KIF6: variants seen among roughly 807,000 people sequenced by gnomAD.
The protein encoded by KIF6 is kinesin family member 6, also known as kinesin-like protein KIF6.
A neutral mutation model predicts 112.7 loss-of-function variants in KIF6; 106 were observed. The ratio of observed to expected loss-of-function variants is 0.94; its 90% CI spans 0.80 to 1.11. The LOEUF is 1.11. Ranked by LOEUF, KIF6 falls within the 50% of genes least tolerant of loss-of-function variation. KIF6 has a pLI of 0.00. For synonymous variants in KIF6, 339 were observed against 339.9 expected (o/e 1.00, Z 0.03); for missense variants, 929 against 964.0 (o/e 0.96, Z 0.48).
chr6:39,405,825 TGGGAGA>T (rs1449118670), intron 15 of KIF6, among the ~76,000 whole-genome samples: 1 of 152,214 alleles, frequency 6.6e-6, no homozygotes, highest in Non-Finnish European at 1.5e-5. Flanking sequence ...TCATTCTTTT[TGGGAGA>T]CTTTTAAGTA....
At chr6:39,602,749 C>T (rs772134303) in intron 6 of KIF6, among the ~76,000 whole-genome samples, 13 of 152,228 alleles carry the variant, frequency 8.5e-5, no homozygotes, top group African/African-American at 1.7e-4. Flanking sequence ...ATTTGCTGTG[C>T]GTGATTCCAG....
chr6:39,470,097 A>G (rs994944555), intron 13 of KIF6, among the ~76,000 whole-genome samples: 4 of 152,214 alleles, frequency 2.6e-5, no homozygotes, highest in African/African-American at 9.6e-5. Context: ...AAGATCATAC[A>G]AAGTATGTTC....
rs140100098 is a variant in KIF6, at chr6:39,465,142, G to A, written c.1646-33981C>T. Among the ~76,000 whole-genome samples, 5 of 152,246 alleles carry A rather than the reference G, an allele frequency of 3.3e-5. No homozygotes were observed. The East Asian group carries it at 5.8e-4, about 18-fold the overall frequency. ...GACAAACTCTGCTGCTTCGGTAGGC[G>A]GGCGGGGATATCATACCCCATGTCT... On this transcript the variant is annotated intron_variant, in intron 13 of 22. Transcript: ENST00000287152.
intron 10 of KIF6, among the ~76,000 whole-genome samples, chr6:39,576,888 C>A (rs1781004412): frequency 6.6e-6 from 1 of 152,146 alleles, no homozygotes; most frequent in Admixed American, 6.5e-5. Context: ...TTGGCTGGAT[C>A]CTGACTTGTA....
Position 39,644,659 on chromosome 6 carries a change from A to C in KIF6, c.252-4902T>G, listed in dbSNP as rs373956447. On this transcript the variant is annotated intron_variant, in intron 3 of 22. Transcript: ENST00000287152. The stretch of plus-strand genomic sequence containing the variant: ...TAGTGTTAGACAGGGGCTAGAAGGA[A>C]GGGAAAATGGAGAGTGACTGCTAAT... Among the ~76,000 whole-genome samples, 16 of 152,312 alleles carry C rather than the reference A, an allele frequency of 1.1e-4. 1 individual carries two copies. The East Asian group carries it at 3.1e-3, about 29-fold the overall frequency.
chr6:39,420,486 A>C (rs1301069972), intron 14 of KIF6, among the ~76,000 whole-genome samples: 1 of 152,138 alleles, frequency 6.6e-6, no homozygotes, highest in Non-Finnish European at 1.5e-5. Context: ...GAACACCGCC[A>C]CTCCTATTCA....
At chr6:39,405,812 C>A (rs1317062241) in intron 15 of KIF6, among the ~76,000 whole-genome samples, 1 of 152,050 alleles carries the variant, frequency 6.6e-6, no homozygotes, top group Non-Finnish European at 1.5e-5. Flanking sequence ...ACTCTCTGGG[C>A]CTTCATTCTT....
Position 39,331,985 on chromosome 6 carries a change from T to C in KIF6, c.*4547A>G, listed in dbSNP as rs2113867110. On this transcript the variant is annotated 3_prime_UTR_variant, in exon 23 of 23. Coordinates refer to ENST00000287152, the MANE Select transcript of KIF6 (RefSeq NM_145027.6). ...TTTTTGAGACAGAGTTTCACTCTTG[T>C]TGCCCAAGCTGGAGTGCAATGGCAC... 6.6e-6 allele frequency: 1 copy of C among 152,206 alleles called. No individual in the cohort carries two copies. The highest frequency in any genetic ancestry group is 2.1e-4 in the South Asian group (1 of 4,810). 9.4% of individuals were successfully genotyped at this position (152,206 alleles called of 1,614,324 possible).
In KIF6 at chr6:39,343,754, T is replaced by C; in HGVS notation, c.2383A>G (p.Ile795Val). 6.2e-7 allele frequency: 1 copy of C among 1,613,166 alleles called. No homozygotes were observed. Among genetic ancestry groups the C allele is most frequent in the Non-Finnish European group, 8.5e-7 (1 of 1,179,644 alleles). Reference protein sequence around the residue: ...LTGDSQTDSDIIAFIKARQSI... With the variant: ...LTGDSQTDSDVIAFIKARQSI... ...TGTCTGGCCTTGATGAAGGCGATGA[T>C]GTCCGAGTCCGTCTGGCTGTCTCCG... is the stretch of plus-strand genomic sequence containing the variant. The change falls in exon 22 of 23, where the codon ATC becomes GTC. Residue 795 changes from isoleucine (I) to valine (V), a missense_variant. This residue lies in a region of KIF6 where 241 missense variants were observed against 301.4 expected (regional missense o/e 0.80). Transcript: ENST00000287152. The surrounding 1 kb of genome is among the most constrained non-coding windows in gnomAD (Gnocchi z 4.1).
At chr6:39,421,685 A>G (rs1770375512) in intron 14 of KIF6, among the ~76,000 whole-genome samples, 1 of 152,114 alleles carries the variant, frequency 6.6e-6, no homozygotes, top group African/African-American at 2.4e-5. Flanking sequence ...GTTTTTCTCA[A>G]TGTTAGTTTC....
intron 13 of KIF6, among the ~76,000 whole-genome samples, chr6:39,432,579 A>G (rs765899740): frequency 7.9e-5 from 12 of 152,216 alleles, no homozygotes; most frequent in Non-Finnish European, 1.5e-4. Context: ...TTTTCTGATC[A>G]GAAGCAAATG....
intron 22 of KIF6, among the ~76,000 whole-genome samples, chr6:39,337,205 TTCTTTCTTTCTTTCTTTCTTTC>T (rs1562102739): frequency 1.3e-4 from 15 of 114,638 alleles, no homozygotes; most frequent in African/African-American, 6.3e-4. Context: ...CTTTCTTTCT[TTCTTTCTTTCTTTCTTTCTTTC>T]TTTCTTTCTT....
intron 19 of KIF6, among the ~76,000 whole-genome samples, chr6:39,355,164 T>A (rs1316455586): frequency 6.6e-6 from 1 of 152,084 alleles, no homozygotes; most frequent in Non-Finnish European, 1.5e-5. Context: ...CCAGCATGAG[T>A]GAGAGTGAAA....
chr6:39,722,727 T>C (rs1010903136), intron 1 of KIF6, among the ~76,000 whole-genome samples: 1 of 152,206 alleles, frequency 6.6e-6, no homozygotes, highest in Non-Finnish European at 1.5e-5. Flanking sequence ...GACAAGAAGA[T>C]ATGGCATTAA....
intron 19 of KIF6, among the ~76,000 whole-genome samples, chr6:39,349,631 C>CTTTGTTTTTTTTTTTTT (rs1764068844): frequency 1.5e-5 from 1 of 64,544 alleles, no homozygotes; most frequent in Non-Finnish European, 2.8e-5. Flanking sequence ...ATTTGTGGCT[C>CTTTGTTTTTTTTTTTTT]TTTTTTTTTT....
chr6:39,419,628 C>G (rs1047007654), intron 15 of KIF6, among the ~76,000 whole-genome samples: 1 of 152,232 alleles, frequency 6.6e-6, no homozygotes, highest in Non-Finnish European at 1.5e-5. Flanking sequence ...TGACGTCTCA[C>G]TGTAACCGTG....
chr6:39,345,711 T>C lies in KIF6; in HGVS notation c.2310A>G (p.Pro770=). 6.2e-7 allele frequency: 1 copy of C among 1,613,236 alleles called. No homozygotes were observed. Among genetic ancestry groups the C allele is most frequent in the Non-Finnish European group, 8.5e-7 (1 of 1,179,708 alleles). ...HSQKQSSTST[P]LEDSIPKRPV... is the part of the protein sequence containing the mutation. The stretch of plus-strand genomic sequence containing the variant: ...AGAAGACCACAGACCTGTCTTCCAG[T>C]GGGGTGCTGGTGCTGCTCTGTTTCT... The change falls in exon 21 of 23, where the codon CCA becomes CCG. Residue 770 remains proline, a synonymous_variant. Coordinates refer to ENST00000287152, the MANE Select transcript of KIF6 (RefSeq NM_145027.6).
intron 15 of KIF6, among the ~76,000 whole-genome samples, chr6:39,389,511 G>A (rs1169346886): frequency 1.3e-5 from 2 of 152,156 alleles, no homozygotes; most frequent in Non-Finnish European, 2.9e-5. Context: ...CCTAACCTAG[G>A]AAAGTCAGTG....
rs571134463 is a variant in KIF6, at chr6:39,383,207, G to A, written c.1861+2415C>T. Among the ~76,000 whole-genome samples the A allele has an allele frequency of 6.6e-5, 10 of 152,170 alleles. No homozygotes were observed. The South Asian group carries it at 1.9e-3, about 28-fold the overall frequency. On this transcript the variant is annotated intron_variant, in intron 16 of 22. Transcript: ENST00000287152. ...GTCTATGTTTGATTTTGCTGCATTT[G>A]CTTTTGGGGTCTTCATCATAGATTC... is the stretch of plus-strand genomic sequence containing the variant.
Sources: gnomAD v4.1 joint callset for allele counts (sites outside exome capture counted in the v4.1 genomes callset) on GRCh38, gnomAD v4.1.1 for gene constraint, gnomAD v4.1.1 regional missense constraint, Gnocchi (gnomAD v3.1) non-coding constraint, MANE v1.5 for transcripts, NCBI Gene and HGNC (gene_info 2026-07-23, HGNC 2026-07-21) for gene names.